Variants in RERE observed in about 807,000 individuals in gnomAD.
The protein encoded by RERE is arginine-glutamic acid dipeptide repeats.
RERE carries 40 observed loss-of-function variants against 146.1 expected under a neutral mutation model. That is an observed-to-expected ratio of 0.27 (90% CI 0.21 to 0.36). The LOEUF (loss-of-function observed/expected upper bound fraction) is 0.36. RERE is among the 10% of genes least tolerant of loss of function. The probability of loss-of-function intolerance (pLI) is 1.00; values close to 1 mark genes in which losing one functional copy is unlikely to be tolerated. For missense variants in RERE, 1,933 were observed against 2,138.7 expected (o/e 0.90, Z 1.90); for synonymous variants, 1,003 against 866.0 (o/e 1.16, Z -2.78).
chr1:8,432,029 G>C (rs1302274304), intron 11 of RERE, among the ~76,000 whole-genome samples: 1 of 152,198 alleles, frequency 6.6e-6, no homozygotes, highest in Non-Finnish European at 1.5e-5. Context: ...CGTCATGCCA[G>C]TGACTGCACT....
intron 2 of RERE, among the ~76,000 whole-genome samples, chr1:8,647,977 A>T (rs1647407291): frequency 6.6e-6 from 1 of 152,144 alleles, no homozygotes; most frequent in Admixed American, 6.5e-5. Context: ...CTTTTACTGA[A>T]GTGTAATACA....
At chr1:8,683,984 T>G (rs536747531) in intron 1 of RERE, among the ~76,000 whole-genome samples, 1 of 152,260 alleles carries the variant, frequency 6.6e-6, no homozygotes, top group South Asian at 2.1e-4. Flanking sequence ...ACCAACTCCT[T>G]GGGGATATTA....
At chr1:8,699,760 T>C (rs760831503) in intron 1 of RERE, among the ~76,000 whole-genome samples, 8 of 152,226 alleles carry the variant, frequency 5.3e-5, no homozygotes, top group Non-Finnish European at 8.8e-5. Flanking sequence ...TACTGCACTC[T>C]ACTGCTTCAT....
At chr1:8,441,936 C>T (rs1157303815) in intron 11 of RERE, among the ~76,000 whole-genome samples, 1 of 151,786 alleles carries the variant, frequency 6.6e-6, no homozygotes, top group Non-Finnish European at 1.5e-5. Context: ...GATTTCAATA[C>T]ACACACTTTT....
chr1:8,674,690 C>G (rs773327026), intron 1 of RERE, among the ~76,000 whole-genome samples: 36 of 152,238 alleles, frequency 2.4e-4, no homozygotes, highest in Non-Finnish European at 4.7e-4. Flanking sequence ...GTTGACTTGA[C>G]AAACTTCCTC....
chr1:8,559,258 C>T (rs1223180162), intron 4 of RERE, among the ~76,000 whole-genome samples: 4 of 43,142 alleles, frequency 9.3e-5, no homozygotes, highest in African/African-American at 3.8e-4. Flanking sequence ...CCAGCCTGGG[C>T]AACAAGAGCA....
intron 12 of RERE, among the ~76,000 whole-genome samples, chr1:8,421,213 G>C (rs189611702): frequency 2.0e-5 from 3 of 152,198 alleles, no homozygotes; most frequent in East Asian, 1.9e-4. Context: ...CAATCTGAGC[G>C]ATCAGGAGAA....
At chr1:8,679,457 T>C (rs372181908) in intron 1 of RERE, among the ~76,000 whole-genome samples, 4 of 152,226 alleles carry the variant, frequency 2.6e-5, no homozygotes, top group South Asian at 2.1e-4. Flanking sequence ...TCCATTATCT[T>C]ACACCGTCAG....
chr1:8,707,121 T>A lies in RERE; in HGVS notation c.-144-50680A>T, dbSNP rs117113595. 8.0e-4 allele frequency among the ~76,000 whole-genome samples: 122 copies of A among 152,230 alleles called. No individual in the cohort carries two copies. The East Asian group carries it at 0.022, about 27-fold the overall frequency. On this transcript the variant is annotated intron_variant, in intron 1 of 22. Transcript: ENST00000400908. ...CACAAATTCCAGCTCTCCGTTTCCA[T>A]AACACCCGTCATTTATCAAAACAAC...
chr1:8,697,908 T>C (rs1048784345), intron 1 of RERE, among the ~76,000 whole-genome samples: 3 of 152,208 alleles, frequency 2.0e-5, no homozygotes, highest in African/African-American at 7.2e-5. Context: ...ATCTGGGTAT[T>C]GAAAGGCCTG....
chr1:8,469,842 G>A (rs564030049), intron 10 of RERE, among the ~76,000 whole-genome samples: 79 of 152,238 alleles, frequency 5.2e-4, no homozygotes, highest in Non-Finnish European at 1.0e-3. Flanking sequence ...TGAACATCTC[G>A]TTGTGGTTGT....
rs769364855 is a variant in RERE at position 8,656,211 on chromosome 1, T to A, written c.87A>T (p.Ala29=). Residue 29 remains alanine (A), a synonymous_variant, in exon 2 of 23, where the codon GCA becomes GCT. Coordinates refer to ENST00000400908, the MANE Select transcript of RERE (RefSeq NM_001042681.2). The part of the protein sequence containing the change: ...RDREREKRDK[A]RESENSRPRR... ...GTGGCCTTGAATTCTCACTCTCTCT[T>A]GCTTTGTCTCTTTTCTCTCTCTCTC... 2 of 1,613,810 alleles carry A rather than the reference T, an allele frequency of 1.2e-6. No homozygotes were observed. The highest frequency in any genetic ancestry group is 3.3e-5 in the Admixed American group (2 of 60,018).
intron 2 of RERE, among the ~76,000 whole-genome samples, chr1:8,650,883 G>T (rs998385825): frequency 7.0e-6 from 1 of 143,364 alleles, no homozygotes; most frequent in Admixed American, 7.1e-5. Flanking sequence ...GCGACAGAGT[G>T]AGACTCCATC....
At chr1:8,686,232 C>T (rs974966871) in intron 1 of RERE, among the ~76,000 whole-genome samples, 1 of 152,156 alleles carries the variant, frequency 6.6e-6, no homozygotes, top group Non-Finnish European at 1.5e-5. Flanking sequence ...ATCCGCTCGT[C>T]TTGGCCTCTC....
chr1:8,614,422 C>T, intron 4 of RERE, 139 bp downstream of exon 4: 1 of 852,770 alleles, frequency 1.2e-6, no homozygotes. Context: ...TTCCTCTGTG[C>T]ATGTACTTGT....
At chr1:8,369,336 G>A (rs1557593528) in intron 12 of RERE, among the ~76,000 whole-genome samples, 1 of 151,836 alleles carries the variant, frequency 6.6e-6, no homozygotes, top group Admixed American at 6.6e-5. Context: ...GCCAACAAGT[G>A]AAAAAAATCA....
rs773648559 is a variant in RERE, at chr1:8,495,207, A to G, written c.1005-45T>C. 5 of 1,387,716 alleles carry G rather than the reference A, an allele frequency of 3.6e-6. No homozygotes were observed. In the Admixed American group the frequency reaches 6.7e-5, roughly 19 times the overall value. The allele number at this position is 1,387,716 out of a possible 1,614,324, so 86.0% of individuals were successfully genotyped here. ...TCCTTTATTAGTACATAGTAATATCAGGACAGAGACTTAGACCTTCAATTT... is the reference window on the plus strand; with the variant it reads ...TCCTTTATTAGTACATAGTAATATCGGGACAGAGACTTAGACCTTCAATTT... On this transcript the variant is annotated intron_variant, in intron 9 of 22. Coordinates refer to ENST00000400908, the MANE Select transcript of RERE (RefSeq NM_001042681.2).
intron 4 of RERE, among the ~76,000 whole-genome samples, chr1:8,599,897 A>G (rs1016092324): frequency 2.6e-5 from 4 of 152,026 alleles, no homozygotes; most frequent in African/African-American, 9.7e-5. Flanking sequence ...TTGTAGAGAA[A>G]CTCCTGGTCT....
intron 12 of RERE, among the ~76,000 whole-genome samples, chr1:8,416,367 C>G (rs567139086): frequency 6.6e-6 from 1 of 152,046 alleles, no homozygotes; most frequent in Non-Finnish European, 1.5e-5. Flanking sequence ...GGGCGGATCA[C>G]AAGGTCAGGA....
Sources: allele counts gnomAD v4.1 joint callset (sites outside exome capture counted in the v4.1 genomes callset), GRCh38; gene constraint gnomAD v4.1.1; transcripts MANE v1.5; gene names NCBI Gene and HGNC (gene_info 2026-07-23, HGNC 2026-07-21).